Variants in POU2AF3 observed in about 807,000 individuals in gnomAD.
The protein encoded by POU2AF3 is POU class 2 homeobox associating factor 3, also known as cancer susceptibility candidate 13.
chr11:111,302,242 T>C, the POU2AF3 span, among the ~76,000 whole-genome samples: 1 of 152,226 alleles, frequency 6.6e-6, no homozygotes, highest in African/African-American at 2.4e-5. Context: ...TGGCTCTTTA[T>C]GCTCTAAATT....
the POU2AF3 span, chr11:111,300,706 G>A: frequency 3.2e-5 from 20 of 633,712 alleles, no homozygotes; most frequent in African/African-American, 2.7e-4. Context: ...GCCACTCAAG[G>A]CCCCACGCAC....
chr11:111,300,577 C>T, the POU2AF3 span: 12 of 1,232,124 alleles, frequency 9.7e-6, no homozygotes, highest in South Asian at 2.1e-4. Flanking sequence ...AGTGAAGGAG[C>T]TGCTGCAGCA....
chr11:111,306,736 T>C, the POU2AF3 span: 7 of 793,408 alleles, frequency 8.8e-6, no homozygotes, highest in Non-Finnish European at 1.4e-5. Flanking sequence ...AGCAAGGAAA[T>C]CATCCAAGGA....
chr11:111,304,685 C>T, the POU2AF3 span: 2 of 352,172 alleles, frequency 5.7e-6, no homozygotes, highest in Non-Finnish European at 1.0e-5. Flanking sequence ...CAATTCTATG[C>T]ACCTGTCTTT....
chr11:111,299,016 G>A, the POU2AF3 span: 1 of 993,902 alleles, frequency 1.0e-6, no homozygotes, highest in Non-Finnish European at 1.2e-6. Flanking sequence ...CCCGCTGCCC[G>A]CGGAGTCCGG....
chr11:111,308,242 C>A, the POU2AF3 span: 1 of 1,551,806 alleles, frequency 6.4e-7, no homozygotes, highest in Admixed American at 2.0e-5. Flanking sequence ...TGTCCTCACA[C>A]GCCCAGTACA....
the POU2AF3 span, chr11:111,299,685 A>C: frequency 1.6e-6 from 2 of 1,231,116 alleles, no homozygotes; most frequent in Admixed American, 4.2e-5. Flanking sequence ...CCGGAGCCTC[A>C]GTGCGCCTCG....
chr11:111,306,752 G>A, the POU2AF3 span: 1 of 724,678 alleles, frequency 1.4e-6, no homozygotes. Flanking sequence ...AAGGAAACAA[G>A]CAGAGAAGAA....
the POU2AF3 span, among the ~76,000 whole-genome samples, chr11:111,307,587 G>A: frequency 1.3e-5 from 2 of 152,304 alleles, no homozygotes; most frequent in East Asian, 1.9e-4. Flanking sequence ...CTTTAGTGGC[G>A]AGACAGGTAG....
chr11:111,298,826 G>GCGGGGGGGGGCCCC, the POU2AF3 span: 13 of 790,958 alleles, frequency 1.6e-5, no homozygotes, highest in Non-Finnish European at 2.0e-5. Flanking sequence ...CGTACCCCAG[G>GCGGGGGGGGGCCCC]CCCCCGCCCG....
chr11:111,299,569 C>T, the POU2AF3 span: 2 of 1,212,138 alleles, frequency 1.6e-6, no homozygotes, highest in Non-Finnish European at 2.0e-6. Flanking sequence ...CGACCGGGCC[C>T]CGCCAGCCCC....
the POU2AF3 span, among the ~76,000 whole-genome samples, chr11:111,301,493 T>C: frequency 8.7e-6 from 1 of 114,342 alleles, no homozygotes; most frequent in African/African-American, 3.2e-5. Context: ...ACAACAGTTT[T>C]TGTGCCTGAT....
chr11:111,299,024 C>G, the POU2AF3 span: 2 of 992,482 alleles, frequency 2.0e-6, no homozygotes, highest in African/African-American at 3.5e-5. Flanking sequence ...CCGCGGAGTC[C>G]GGAGCCGATC....
the POU2AF3 span, among the ~76,000 whole-genome samples, chr11:111,303,605 T>C: frequency 6.6e-6 from 1 of 152,216 alleles, no homozygotes; most frequent in Non-Finnish European, 1.5e-5. Flanking sequence ...GATTTTTTAA[T>C]ACCCACTCCT....
At chr11:111,302,857 C>T in the POU2AF3 span, among the ~76,000 whole-genome samples, 3 of 152,152 alleles carry the variant, frequency 2.0e-5, no homozygotes, top group African/African-American at 7.2e-5. Flanking sequence ...TGAGAGCGTA[C>T]TTAGTAGGCA....
At chr11:111,302,817 T>A in the POU2AF3 span, among the ~76,000 whole-genome samples, 2 of 152,136 alleles carry the variant, frequency 1.3e-5, no homozygotes, top group African/African-American at 4.8e-5. Context: ...CTGGAAGCCA[T>A]CGGATGGATC....
chr11:111,298,826 G>GGGGGGCGCC, the POU2AF3 span: 1 of 790,960 alleles, frequency 1.3e-6, no homozygotes, highest in Non-Finnish European at 1.7e-6. Context: ...CGTACCCCAG[G>GGGGGGCGCC]CCCCCGCCCG....
At chr11:111,298,612 G>A in the POU2AF3 span, 1 of 1,246,498 alleles carries the variant, frequency 8.0e-7, no homozygotes, top group Non-Finnish European at 1.0e-6. Context: ...TTCTCCTAGG[G>A]TCGGGTCAGG....
At chr11:111,299,732 G>A in the POU2AF3 span, 4 of 1,231,468 alleles carry the variant, frequency 3.2e-6, no homozygotes, top group South Asian at 8.2e-5. Flanking sequence ...GGGGTAGGGA[G>A]AGAGGGGAAG....
Sources: allele counts gnomAD v4.1 joint callset (sites outside exome capture counted in the v4.1 genomes callset), GRCh38; gene constraint gnomAD v4.1.1; transcripts MANE v1.5; gene names NCBI Gene and HGNC (gene_info 2026-07-23, HGNC 2026-07-21).